Variants in PHF24 observed in about 807,000 individuals in gnomAD.
PHF24 encodes the protein PHD finger protein 24, also known as Galpha inhibitory interacting protein.
In PHF24, 25 loss-of-function variants were observed where a neutral mutation model predicts 42.6. That is an observed-to-expected ratio of 0.59 (90% confidence interval 0.43 to 0.82). The LOEUF (loss-of-function observed/expected upper bound fraction) is 0.82. PHF24 is among the 40% of genes least tolerant of loss of function. PHF24 has a pLI of 0.00. For synonymous variants in PHF24, 185 were observed against 204.8 expected (o/e 0.90, Z 0.83); for missense variants, 470 against 538.1 (o/e 0.87, Z 1.25).
the PHF24 span, among the ~76,000 whole-genome samples, chr9:34,801,125 C>A: frequency 1.3e-5 from 2 of 152,184 alleles, no homozygotes; most frequent in African/African-American, 4.8e-5. Flanking sequence ...CCATCTCACA[C>A]CAGTTAGAAC....
chr9:34,762,549 T>A, the PHF24 span, among the ~76,000 whole-genome samples: 3 of 136,774 alleles, frequency 2.2e-5, no homozygotes, highest in African/African-American at 8.0e-5. Context: ...GGGTTGTTTG[T>A]TTTTTTCTTG....
chr9:34,958,760 C>T lies in PHF24; in HGVS notation c.-5+359C>T, dbSNP rs1443012784. 1.3e-5 allele frequency among the ~76,000 whole-genome samples: 2 copies of T among 152,136 alleles called. No individual in the cohort carries two copies. The highest frequency in any genetic ancestry group is 2.9e-5 in the Non-Finnish European group (2 of 68,002). ...TGGAGCTGGCTCAATGGAAGACCAC[C>T]TGGGAACATAGGGGAGCCGCAGGAA... On this transcript the variant is annotated intron_variant, in intron 1 of 7. Transcript: ENST00000242315. This position sits in a 1 kb window ranked among gnomAD's most constrained non-coding sequence, Gnocchi z 4.5.
the PHF24 span, among the ~76,000 whole-genome samples, chr9:34,772,566 G>A: frequency 3.4e-3 from 525 of 152,268 alleles, 4 homozygotes; most frequent in African/African-American, 0.012. Flanking sequence ...AAATGACAAA[G>A]TAGGTAAATA....
At chr9:34,774,335 C>A in the PHF24 span, among the ~76,000 whole-genome samples, 1 of 152,076 alleles carries the variant, frequency 6.6e-6, no homozygotes, top group Non-Finnish European at 1.5e-5. Flanking sequence ...AAAATACTTG[C>A]AAATCATATA....
chr9:34,744,087 C>G, the PHF24 span, among the ~76,000 whole-genome samples: 1 of 152,190 alleles, frequency 6.6e-6, no homozygotes, highest in Non-Finnish European at 1.5e-5. Context: ...CTCTTAATAC[C>G]TTTGCACTGG....
the PHF24 span, chr9:34,838,294 A>G: frequency 1.4e-6 from 1 of 712,066 alleles, no homozygotes; most frequent in Non-Finnish European, 2.6e-6. Context: ...TCTGGAGCTT[A>G]AAAGCATATT....
chr9:34,727,523 T>A, the PHF24 span, among the ~76,000 whole-genome samples: 1 of 152,182 alleles, frequency 6.6e-6, no homozygotes, highest in African/African-American at 2.4e-5. Flanking sequence ...AAGGAGAGGA[T>A]AATATAATAG....
the PHF24 span, among the ~76,000 whole-genome samples, chr9:34,925,577 T>C: frequency 6.6e-6 from 1 of 152,078 alleles, no homozygotes; most frequent in African/African-American, 2.4e-5. Flanking sequence ...AAGTTGTGGA[T>C]TGTATTTTTA....
At chr9:34,713,640 G>GT in the PHF24 span, among the ~76,000 whole-genome samples, 34,762 of 151,926 alleles carry the variant, frequency 0.23, 4,761 homozygotes, top group African/African-American at 0.38. Flanking sequence ...TTTGTATGAT[G>GT]TTTTTCTGTA....
At chr9:34,750,536 A>G in the PHF24 span, among the ~76,000 whole-genome samples, 8 of 137,648 alleles carry the variant, frequency 5.8e-5, no homozygotes, top group Non-Finnish European at 1.3e-4. Flanking sequence ...ATAAATAAAT[A>G]AATAAAGTGG....
the PHF24 span, among the ~76,000 whole-genome samples, chr9:34,904,282 G>A: frequency 6.6e-6 from 1 of 152,246 alleles, no homozygotes; most frequent in African/African-American, 2.4e-5. Context: ...TGGTGAGAGT[G>A]GGCATCCTTG....
At chr9:34,745,932 C>G in the PHF24 span, among the ~76,000 whole-genome samples, 1 of 151,882 alleles carries the variant, frequency 6.6e-6, no homozygotes, top group African/African-American at 2.4e-5. Context: ...TCAAAAATTA[C>G]TTTAAAAACT....
At chr9:34,828,850 C>T in the PHF24 span, among the ~76,000 whole-genome samples, 1 of 150,834 alleles carries the variant, frequency 6.6e-6, no homozygotes, top group African/African-American at 2.4e-5. Context: ...TGTCCTAGCC[C>T]AGTCTTTAGA....
chr9:34,837,380 G>C, the PHF24 span: 2 of 402,906 alleles, frequency 5.0e-6, no homozygotes, highest in Non-Finnish European at 9.3e-6. Context: ...ACAAGACTGA[G>C]AGATGAAGTG....
At chr9:34,842,750 T>C in the PHF24 span, among the ~76,000 whole-genome samples, 1 of 152,250 alleles carries the variant, frequency 6.6e-6, no homozygotes. Context: ...GTATTTGTTA[T>C]AGCAGCATGA....
the PHF24 span, among the ~76,000 whole-genome samples, chr9:34,943,283 A>G: frequency 1.3e-5 from 2 of 152,176 alleles, no homozygotes. Flanking sequence ...AGGTGAGGGA[A>G]CAGTTTCAAG....
the PHF24 span, among the ~76,000 whole-genome samples, chr9:34,813,560 A>C: frequency 6.6e-6 from 1 of 152,130 alleles, no homozygotes; most frequent in Non-Finnish European, 1.5e-5. Flanking sequence ...TTGTTGGCAG[A>C]ATTCATTTCT....
At chr9:34,721,860 A>AAAAACTTT in the PHF24 span, among the ~76,000 whole-genome samples, 1 of 152,098 alleles carries the variant, frequency 6.6e-6, no homozygotes, top group Non-Finnish European at 1.5e-5. Context: ...CATGCAGTTG[A>AAAAACTTT]TCTCTCCTTG....
chr9:34,770,303 G>T, the PHF24 span, among the ~76,000 whole-genome samples: 1 of 152,076 alleles, frequency 6.6e-6, no homozygotes. Flanking sequence ...TTATAAGATA[G>T]ATGCAAATTA....
Sources: allele counts gnomAD v4.1 joint callset (sites outside exome capture counted in the v4.1 genomes callset), GRCh38; gene constraint gnomAD v4.1.1; non-coding constraint Gnocchi (gnomAD v3.1); transcripts MANE v1.5; gene names NCBI Gene and HGNC (gene_info 2026-07-23, HGNC 2026-07-21).